The following CLRN2 variants were observed in gnomAD, a reference collection of about 807,000 sequenced individuals.
The protein encoded by CLRN2 is clarin-2.
CLRN2 carries 17 observed loss-of-function variants against 20.1 expected under a neutral mutation model. The ratio of observed to expected loss-of-function variants is 0.85; its 90% CI spans 0.58 to 1.27. The LOEUF (loss-of-function observed/expected upper bound fraction) is 1.27, where lower values mean the gene tolerates loss of function less well. Among genes scored for constraint, CLRN2 ranks in the 50% most tolerant of loss-of-function variants. The pLI, the probability that CLRN2 is intolerant of heterozygous loss-of-function variation, is 0.00. For missense variants in CLRN2, 288 were observed against 299.5 expected, an observed-to-expected ratio of 0.96 and a Z score of 0.28; for synonymous variants, 140 against 126.9, an observed-to-expected ratio of 1.10 and a Z score of -0.70.
chr4:17,526,100 C>T (rs1206865457), intron 2 of CLRN2, among the ~76,000 whole-genome samples: 1 of 152,058 alleles, frequency 6.6e-6, no homozygotes, highest in South Asian at 2.1e-4. Flanking sequence ...AATGGTCATC[C>T]TTATCCTTAA....
chr4:17,526,757 C>T, intron 2 of CLRN2, 60 bp from the exon 3 acceptor site: 1 of 1,591,674 alleles, frequency 6.3e-7, no homozygotes, highest in Non-Finnish European at 8.6e-7. Context: ...CACAGAAATG[C>T]CACCTCTTAC....
Position 17,515,485 on chromosome 4 carries a change from G to T in CLRN2, c.219G>T (p.Gln73His), listed in dbSNP as rs774961807. 6.2e-7 allele frequency: 1 copy of T among 1,613,978 alleles called. No homozygotes were observed. Among genetic ancestry groups the T allele is most frequent in the Non-Finnish European group, 8.5e-7 (1 of 1,179,880 alleles). The change falls in exon 1 of 3, where the codon CAG (glutamine) becomes CAT (histidine). Residue 73 changes from glutamine to histidine, a missense_variant. By Grantham distance (24) the Gln-to-His change is conservative. Coordinates refer to ENST00000511148, the MANE Select transcript of CLRN2 (RefSeq NM_001079827.2). ...TCTTCCGAGGGTGTAAAGTGCGGCA[G>T]TGTGGGCTTGGGGGCCGCCAATCCC... is the stretch of plus-strand genomic sequence containing the variant. ...YGLFRGCKVRQCGLGGRQSQF... is the reference protein window; with the variant it reads ...YGLFRGCKVRHCGLGGRQSQF...
intron 1 of CLRN2, among the ~76,000 whole-genome samples, chr4:17,517,792 C>G (rs1560321226): frequency 6.6e-6 from 1 of 152,170 alleles, no homozygotes. Flanking sequence ...AGAGGAGGGT[C>G]TGTAAACATC....
At chr4:17,517,551 C>A (rs1011604010) in intron 1 of CLRN2, among the ~76,000 whole-genome samples, 1 of 152,176 alleles carries the variant, frequency 6.6e-6, no homozygotes, top group Non-Finnish European at 1.5e-5. Flanking sequence ...AAGCTGCAAA[C>A]AAATGCATAT....
In CLRN2 at chr4:17,523,085, C is replaced by A. The variant is rs753016335; in HGVS notation, c.433+42C>A. The A allele has an allele frequency of 2.6e-6, 4 of 1,535,144 alleles. No individual in the cohort carries two copies. The South Asian group carries it at 4.9e-5, about 19-fold the overall frequency. On this transcript the variant is annotated intron_variant, in intron 2 of 2. Transcript: ENST00000511148. ...GGAGAGAAAATTATGTCCACACCATCATAGGGCTGGGCTCCAAGTAGTTGG... is the reference window on the plus strand; with the variant it reads ...GGAGAGAAAATTATGTCCACACCATAATAGGGCTGGGCTCCAAGTAGTTGG...
rs186499444 is a variant in CLRN2 at position 17,516,468 on chromosome 4, C to T, written c.253+949C>T. Among the ~76,000 whole-genome samples the T allele has an allele frequency of 2.8e-3, 424 of 152,266 alleles. 8 individuals are homozygous for T. The highest frequency in any genetic ancestry group is 0.025 in the Admixed American group (380 of 15,302). ...CAGAATTGTATTCATTCCTTGATTT[C>T]TATATTTCAGTATTGTAGTAGTTTA... On this transcript the variant is annotated intron_variant, in intron 1 of 2. Transcript: ENST00000511148.
chr4:17,516,786 A>G (rs941667111), intron 1 of CLRN2, among the ~76,000 whole-genome samples: 1 of 152,210 alleles, frequency 6.6e-6, no homozygotes, highest in Non-Finnish European at 1.5e-5. Flanking sequence ...TACATGGACT[A>G]CTCGATTCTG....
At chr4:17,525,114 G>A (rs1236378357) in intron 2 of CLRN2, among the ~76,000 whole-genome samples, 1 of 152,084 alleles carries the variant, frequency 6.6e-6, no homozygotes, top group Non-Finnish European at 1.5e-5. Context: ...TTATGCTAAG[G>A]AAATACTGGA....
At chr4:17,516,212 G>A (rs1367550086) in intron 1 of CLRN2, among the ~76,000 whole-genome samples, 2 of 152,236 alleles carry the variant, frequency 1.3e-5, no homozygotes, top group Non-Finnish European at 2.9e-5. Flanking sequence ...CTCTGTGAAC[G>A]TGAGCGGGCA....
chr4:17,518,421 TA>T, intron 1 of CLRN2, among the ~76,000 whole-genome samples: 1 of 152,280 alleles, frequency 6.6e-6, no homozygotes, highest in Middle Eastern at 3.4e-3. Flanking sequence ...ACCAGGCTCT[TA>T]AGAAAACAGG....
chr4:17,515,399 G>A lies in CLRN2; in HGVS notation c.133G>A (p.Asp45Asn). 1 of 1,613,954 alleles carries A rather than the reference G, an allele frequency of 6.2e-7. No individual in the cohort carries two copies. ...SGKILCQTGV[D>N]LVNATDRELV... ...GAAAATCCTTTGTCAGACTGGAGTGGATCTGGTCAACGCCACAGACAGAGA... is the reference window on the plus strand; with the variant it reads ...GAAAATCCTTTGTCAGACTGGAGTGAATCTGGTCAACGCCACAGACAGAGA... Residue 45 changes from aspartate (D) to asparagine (N), a missense_variant, in exon 1 of 3, where the codon GAT becomes AAT. Coordinates refer to ENST00000511148, the MANE Select transcript of CLRN2 (RefSeq NM_001079827.2).
rs758709903 is a variant in CLRN2, at chr4:17,526,870, G to A, written c.487G>A (p.Asp163Asn). 1.9e-6 allele frequency: 3 copies of A among 1,613,842 alleles called. No individual in the cohort carries two copies. Among genetic ancestry groups the A allele is most frequent in the Non-Finnish European group, 2.5e-6 (3 of 1,179,872 alleles). Residue 163 changes from aspartate to asparagine, a missense_variant, in exon 3 of 3, where the codon GAC (aspartate) becomes AAC (asparagine). Asp to Asn is a conservative substitution (Grantham distance 23). Coordinates refer to ENST00000511148, the MANE Select transcript of CLRN2 (RefSeq NM_001079827.2). ...CTTCGTGGCTGCGGTGAAATTTCAC[G>A]ACCTGACGGAACGAATCGCCAACTT... ...ASFVAAVKFH[D>N]LTERIANFQE...
chr4:17,522,318 C>T (rs1345321364), intron 1 of CLRN2, among the ~76,000 whole-genome samples: 1 of 152,184 alleles, frequency 6.6e-6, no homozygotes, highest in East Asian at 1.9e-4. Context: ...CCACAGCTGC[C>T]ATTTTTGAGA....
At chr4:17,522,271 T>G (rs1400708962) in intron 1 of CLRN2, among the ~76,000 whole-genome samples, 1 of 152,210 alleles carries the variant, frequency 6.6e-6, no homozygotes, top group Non-Finnish European at 1.5e-5. Context: ...AGAAGTCACA[T>G]GACTTTCCCA....
In CLRN2 at chr4:17,522,942, T is replaced by C; in HGVS notation, c.332T>C (p.Leu111Pro). 1 of 1,614,042 alleles carries C rather than the reference T, an allele frequency of 6.2e-7. No homozygotes were observed. The highest frequency in any genetic ancestry group is 1.1e-5 in the South Asian group (1 of 91,088). ...ILLLLFLALA[L>P]ALVSMGFAIL... ...CTGCTCCTCTTCCTGGCCTTGGCCC[T>C]GGCTCTGGTCAGCATGGGCTTTGCC... Residue 111 changes from leucine to proline, a missense_variant, in exon 2 of 3, where the codon CTG becomes CCG. By Grantham distance (98) the Leu-to-Pro change is moderately conservative. Coordinates refer to ENST00000511148, the MANE Select transcript of CLRN2 (RefSeq NM_001079827.2).
At position 17,522,996 on chromosome 4, in the gene CLRN2, G is replaced by T. The variant is rs200403700; in HGVS notation, c.386G>T (p.Arg129Leu). ...AILNMIQVPY[R>L]AVSGPGGICL... Reference sequence around the variant, plus strand: ...CTTAACATGATCCAGGTCCCGTACCGGGCAGTCAGCGGTCCTGGGGGCATC... The same window carrying T: ...CTTAACATGATCCAGGTCCCGTACCTGGCAGTCAGCGGTCCTGGGGGCATC... The change falls in exon 2 of 3, where the codon CGG becomes CTG. Residue 129 changes from arginine to leucine, a missense_variant. Arg to Leu is a moderately radical substitution (Grantham distance 102, BLOSUM62 -2). Transcript: ENST00000511148. The T allele has an allele frequency of 1.0e-4, 169 of 1,613,694 alleles. No homozygotes were observed. In the African/African-American group the frequency reaches 1.9e-3, roughly 18 times the overall value.
At chr4:17,519,874 T>TA (rs869229174) in intron 1 of CLRN2, among the ~76,000 whole-genome samples, 3 of 152,126 alleles carry the variant, frequency 2.0e-5, no homozygotes, top group African/African-American at 7.2e-5. Flanking sequence ...TCTTCTTTTT[T>TA]AAAAAATAAT....
At chr4:17,526,248 T>A (rs1383632966) in intron 2 of CLRN2, among the ~76,000 whole-genome samples, 2 of 152,150 alleles carry the variant, frequency 1.3e-5, no homozygotes, top group Non-Finnish European at 2.9e-5. Flanking sequence ...GGAAGCATGG[T>A]ACTGGGTAAG....
chr4:17,517,794 G>A (rs1004966036), intron 1 of CLRN2, among the ~76,000 whole-genome samples: 1 of 152,148 alleles, frequency 6.6e-6, no homozygotes, highest in African/African-American at 2.4e-5. Context: ...AGGAGGGTCT[G>A]TAAACATCCA....
Sources: gnomAD v4.1 joint callset for allele counts (sites outside exome capture counted in the v4.1 genomes callset) on GRCh38, gnomAD v4.1.1 for gene constraint, MANE v1.5 for transcripts, NCBI Gene and HGNC (gene_info 2026-07-23, HGNC 2026-07-21) for gene names.